The following SDK1 variants were observed in gnomAD, a reference collection of about 807,000 sequenced individuals.
The protein encoded by SDK1 is protein sidekick-1.
SDK1 carries 157 observed loss-of-function variants against 245.5 expected under a neutral mutation model. That is an observed-to-expected ratio of 0.64 (90% CI 0.56 to 0.73). The LOEUF is 0.73. SDK1 is among the 30% of genes least tolerant of loss of function. The pLI is 0.00. For synonymous variants in SDK1, 1,647 were observed against 1,278.5 expected (o/e 1.29, Z -6.15); for missense variants, 3,583 against 3,002.3 (o/e 1.19, Z -4.52).
At position 4,267,124 on chromosome 7, in the gene SDK1, C is replaced by T. The variant is rs1788516926; in HGVS notation, c.*1740C>T. 1 of 985,402 alleles carries T rather than the reference C, an allele frequency of 1.0e-6. No homozygotes were observed. Among genetic ancestry groups the T allele is most frequent in the Non-Finnish European group, 1.2e-6 (1 of 829,926 alleles). The allele number at this position is 985,402 out of a possible 1,614,324, so 61.0% of individuals were successfully genotyped here. A position where few individuals can be genotyped will look rare whatever the true frequency, so the allele number is the denominator to read the frequency against. On this transcript the variant is annotated 3_prime_UTR_variant, in exon 45 of 45. Transcript: ENST00000404826. ...GAGTTTTGTATAGGCTGGAAAACCC[C>T]TTTTCAGTCTTTCCAAAATTAGAGG...
At position 4,243,001 on chromosome 7, in the gene SDK1, G is replaced by C. The variant is rs1213528322; in HGVS notation, c.6251+1088G>C. 2.0e-5 allele frequency among the ~76,000 whole-genome samples: 3 copies of C among 152,344 alleles called. No individual in the cohort carries two copies. The East Asian group carries it at 5.8e-4, about 29-fold the overall frequency. On this transcript the variant is annotated intron_variant, in intron 43 of 44. Coordinates refer to ENST00000404826, the MANE Select transcript of SDK1 (RefSeq NM_152744.4). ...TTCCCAAGGGCTGGAGGTGGATGCT[G>C]GTGGTGACATCTGGTCACACCTTTC...
intron 1 of SDK1, among the ~76,000 whole-genome samples, chr7:3,433,216 C>G (rs1022059436): frequency 6.6e-5 from 10 of 152,152 alleles, no homozygotes; most frequent in African/African-American, 2.2e-4. Context: ...TCCACATTAT[C>G]TAGTTATCTG....
chr7:4,027,988 A>T (rs1012201859), intron 17 of SDK1, among the ~76,000 whole-genome samples: 1 of 151,958 alleles, frequency 6.6e-6, no homozygotes, highest in Non-Finnish European at 1.5e-5. Context: ...AGAGGGAAGA[A>T]AGAAAGGAGC....
rs78803155 is a variant in SDK1 at position 3,947,199 on chromosome 7, C to G, written c.848-3724C>G. Among the ~76,000 whole-genome samples, 7 of 152,214 alleles carry G rather than the reference C, an allele frequency of 4.6e-5. No homozygotes were observed. In the East Asian group the frequency reaches 1.4e-3, roughly 29 times the overall value. On this transcript the variant is annotated intron_variant, in intron 5 of 44. Coordinates refer to ENST00000404826, the MANE Select transcript of SDK1 (RefSeq NM_152744.4). ...CACACGCTTCTTTATTTCTTGTAAA[C>G]TGGAAACAGTAGCTTTTCACTCCCT... is the stretch of plus-strand genomic sequence containing the variant.
intron 5 of SDK1, among the ~76,000 whole-genome samples, chr7:3,860,405 C>T (rs1780662494): frequency 6.6e-6 from 1 of 152,094 alleles, no homozygotes; most frequent in African/African-American, 2.4e-5. Context: ...CCAGTAAATG[C>T]ATGAAAAGAT....
At chr7:4,135,411 T>C (rs1005869891) in intron 28 of SDK1, among the ~76,000 whole-genome samples, 1 of 152,186 alleles carries the variant, frequency 6.6e-6, no homozygotes, top group African/African-American at 2.4e-5. Flanking sequence ...CCTAGAGAAA[T>C]TCTTGCCTGT....
chr7:4,127,495 A>G lies in SDK1; in HGVS notation c.3938A>G (p.Lys1313Arg), dbSNP rs1019566233. ...QDQNGLILGY[K>R]ILFRAKDLDP... ...CAGAATGGGCTCATACTGGGCTACA[A>G]GGTGTGTGATCACAGGATGACCTCC... is the stretch of plus-strand genomic sequence containing the variant. The change falls in exon 26 of 45, where the codon AAG becomes AGG. Residue 1313 changes from lysine to arginine, a missense_variant and splice_region_variant. Lys to Arg is a conservative substitution (Grantham distance 26). Coordinates refer to ENST00000404826, the MANE Select transcript of SDK1 (RefSeq NM_152744.4). 5 of 1,609,232 alleles carry G rather than the reference A, an allele frequency of 3.1e-6. No homozygotes were observed. The highest frequency in any genetic ancestry group is 4.3e-6 in the Non-Finnish European group (5 of 1,175,574).
At chr7:4,193,077 A>G (rs1057114091) in intron 35 of SDK1, among the ~76,000 whole-genome samples, 3 of 138,702 alleles carry the variant, frequency 2.2e-5, no homozygotes, top group African/African-American at 8.0e-5. Flanking sequence ...AATATATAAT[A>G]TATAAAATAC....
chr7:3,783,732 T>C (rs1457836285), intron 4 of SDK1, among the ~76,000 whole-genome samples: 2 of 152,192 alleles, frequency 1.3e-5, no homozygotes, highest in Non-Finnish European at 2.9e-5. Flanking sequence ...AAAAATATTT[T>C]ATGTTGATGG....
intron 22 of SDK1, among the ~76,000 whole-genome samples, chr7:4,099,000 A>G (rs1207147832): frequency 2.6e-5 from 4 of 151,846 alleles, no homozygotes; most frequent in Non-Finnish European, 2.9e-5. Flanking sequence ...TTTGGTACAC[A>G]TGAGAGTCGT....
chr7:3,360,844 T>G (rs986533434), intron 1 of SDK1, among the ~76,000 whole-genome samples: 1 of 151,452 alleles, frequency 6.6e-6, no homozygotes, highest in African/African-American at 2.4e-5. Context: ...GTGGGGGGAG[T>G]TATAATTTAG....
chr7:3,485,776 T>C lies in SDK1; in HGVS notation c.299-133304T>C, dbSNP rs982629901. ...TTTAAAAATGTTCCATCTATATTCATAAGTGCTATTCCCACGTAAGTGTGT... is the reference window on the plus strand; with the variant it reads ...TTTAAAAATGTTCCATCTATATTCACAAGTGCTATTCCCACGTAAGTGTGT... On this transcript the variant is annotated intron_variant, in intron 1 of 44. Coordinates refer to ENST00000404826, the MANE Select transcript of SDK1 (RefSeq NM_152744.4). Among the ~76,000 whole-genome samples, 3 of 147,092 alleles carry C rather than the reference T, an allele frequency of 2.0e-5. No individual in the cohort carries two copies. In the Admixed American group the frequency reaches 2.0e-4, roughly 10 times the overall value.
intron 38 of SDK1, among the ~76,000 whole-genome samples, chr7:4,210,445 T>G (rs1562437539): frequency 6.6e-6 from 1 of 152,172 alleles, no homozygotes; most frequent in African/African-American, 2.4e-5. Flanking sequence ...TATATGCCCT[T>G]GATCCTGTCT....
chr7:4,013,770 C>T (rs144843120), intron 16 of SDK1, among the ~76,000 whole-genome samples: 91 of 152,328 alleles, frequency 6.0e-4, no homozygotes, highest in African/African-American at 2.1e-3. Flanking sequence ...AATGGGCCAT[C>T]CCCAGGGGTA....
At chr7:4,051,578 C>G in intron 18 of SDK1, 60 bp from the exon 19 acceptor site, 1 of 1,417,066 alleles carries the variant, frequency 7.1e-7, no homozygotes, top group Non-Finnish European at 9.8e-7. Context: ...CTGCTGCAGA[C>G]ATGAGTGTGG....
intron 4 of SDK1, among the ~76,000 whole-genome samples, chr7:3,793,925 C>G (rs185578538): frequency 6.6e-6 from 1 of 152,228 alleles, no homozygotes; most frequent in Non-Finnish European, 1.5e-5. Flanking sequence ...GCTCCCTGCC[C>G]TGTTCTGGGG....
At chr7:3,377,459 G>T (rs1168496302) in intron 1 of SDK1, among the ~76,000 whole-genome samples, 1 of 152,122 alleles carries the variant, frequency 6.6e-6, no homozygotes, top group Non-Finnish European at 1.5e-5. Context: ...TTCCCCGTGG[G>T]GTGCTGTTTG....
At position 3,810,167 on chromosome 7, in the gene SDK1, C is replaced by A. The variant is rs563383663; in HGVS notation, c.714-11283C>A. On this transcript the variant is annotated intron_variant, in intron 4 of 44. Coordinates refer to ENST00000404826, the MANE Select transcript of SDK1 (RefSeq NM_152744.4). Reference sequence around the variant, plus strand: ...GGAGGATTCTTCATGAGGAGCCCCCCCATATCTGGAGCAGTTTTAGTTGGT... The same window carrying A: ...GGAGGATTCTTCATGAGGAGCCCCCACATATCTGGAGCAGTTTTAGTTGGT... 3.9e-5 allele frequency among the ~76,000 whole-genome samples: 6 copies of A among 152,302 alleles called. No homozygotes were observed. In the East Asian group the frequency reaches 1.2e-3, roughly 29 times the overall value.
chr7:4,200,507 C>A (rs1183889803), intron 35 of SDK1, among the ~76,000 whole-genome samples: 10 of 152,246 alleles, frequency 6.6e-5, no homozygotes, highest in African/African-American at 9.6e-5. Flanking sequence ...TCAACCAGGC[C>A]TGTGGTCTTC....
Sources: gnomAD v4.1 joint callset for allele counts (sites outside exome capture counted in the v4.1 genomes callset) on GRCh38, gnomAD v4.1.1 for gene constraint, MANE v1.5 for transcripts, NCBI Gene and HGNC (gene_info 2026-07-23, HGNC 2026-07-21) for gene names.